The following PRR36 variants were observed in gnomAD, a reference collection of about 807,000 sequenced individuals.
The protein encoded by PRR36 is proline-rich protein 36.
A neutral mutation model predicts 58.6 loss-of-function variants in PRR36; 30 were observed. The observed-to-expected ratio is 0.51, with a 90% CI of 0.38 to 0.69. PRR36 has a LOEUF of 0.69. PRR36 is among the 30% of genes least tolerant of loss of function. PRR36 has a pLI of 0.00. For synonymous variants in PRR36, 771 were observed against 829.3 expected (o/e 0.93, Z 1.21); for missense variants, 1,692 against 1,805.6 (o/e 0.94, Z 1.14).
In PRR36 at chr19:7,869,409, C is replaced by T; in HGVS notation, c.3665G>A (p.Ser1222Asn). The T allele has an allele frequency of 6.7e-7, 1 of 1,486,352 alleles. No homozygotes were observed. The highest frequency in any genetic ancestry group is 8.9e-7 in the Non-Finnish European group (1 of 1,126,606). 92.1% of individuals were successfully genotyped at this position (1,486,352 alleles called of 1,614,324 possible). Residue 1222 changes from serine to asparagine, a missense_variant, in exon 6 of 6, where the codon AGC (serine) becomes AAC (asparagine). Around this residue, in one of 5 missense-constraint regions of PRR36, gnomAD observed 485 missense variants for 549.2 expected, o/e 0.88. Coordinates refer to ENST00000618550, the MANE Select transcript of PRR36 (RefSeq NM_001190467.2). ...ALDPGPSPGT[S>N]GGKAAAGAGA... ...GGCCCCAGCCGCCGCCTTCCCACCGCTCGTGCCGGGACTGGGCCCCGGATC... is the reference window on the plus strand; with the variant it reads ...GGCCCCAGCCGCCGCCTTCCCACCGTTCGTGCCGGGACTGGGCCCCGGATC...
chr19:7,873,018 C>T lies in PRR36; in HGVS notation c.375-57G>A. The T allele has an allele frequency of 6.9e-7, 1 of 1,452,998 alleles. No homozygotes were observed. The highest frequency in any genetic ancestry group is 2.5e-5 in the East Asian group (1 of 40,398). 90.0% of individuals were successfully genotyped at this position (1,452,998 alleles called of 1,614,324 possible). On this transcript the variant is annotated intron_variant, in intron 3 of 5. Coordinates refer to ENST00000618550, the MANE Select transcript of PRR36 (RefSeq NM_001190467.2). The surrounding 1 kb of genome is among the most constrained non-coding windows in gnomAD (Gnocchi z 5.0). ...GGTCTTTGTTTGGCTTCCCAAGTCT[C>T]TATTTTCCCATCTGTGAAATGGGCA...
Position 7,872,324 on chromosome 19 carries a change from G to T in PRR36, c.920C>A (p.Pro307His). Residue 307 changes from proline to histidine, a missense_variant, in exon 5 of 6, where the codon CCC becomes CAC. Physicochemically the swap from Pro to His is moderately conservative, Grantham distance 77 (BLOSUM62 -2). Transcript: ENST00000618550. This position sits in a 1 kb window ranked among gnomAD's most constrained non-coding sequence, Gnocchi z 6.1. ...GPLSSSPLATPSPSGTKARPV... is the reference protein window; with the variant it reads ...GPLSSSPLATHSPSGTKARPV... The stretch of plus-strand genomic sequence containing the variant: ...TCTTGCCTTGGTACCCGATGGAGAG[G>T]GTGTGGCCAAAGGAGAGGAAGAAAG... 2 of 1,455,328 alleles carry T rather than the reference G, an allele frequency of 1.4e-6. No individual in the cohort carries two copies. Among genetic ancestry groups the T allele is most frequent in the Non-Finnish European group, 1.8e-6 (2 of 1,110,288 alleles). The allele number at this position is 1,455,328 out of a possible 1,614,324, so 90.2% of individuals were successfully genotyped here.
In PRR36 at chr19:7,873,034, G is replaced by T. The variant is rs1299337913; in HGVS notation, c.375-73C>A. 2 of 1,397,122 alleles carry T rather than the reference G, an allele frequency of 1.4e-6. No homozygotes were observed. Among genetic ancestry groups the T allele is most frequent in the Admixed American group, 4.1e-5 (2 of 48,488 alleles). The allele number at this position is 1,397,122 out of a possible 1,614,324, so 86.5% of individuals were successfully genotyped here. On this transcript the variant is annotated intron_variant, in intron 3 of 5. Transcript: ENST00000618550. The surrounding 1 kb of genome is among the most constrained non-coding windows in gnomAD (Gnocchi z 5.0). Reference sequence around the variant, plus strand: ...CCCAAGTCTCTATTTTCCCATCTGTGAAATGGGCATGTGCCCTCTCTGAGG... The same window carrying T: ...CCCAAGTCTCTATTTTCCCATCTGTTAAATGGGCATGTGCCCTCTCTGAGG...
Position 7,874,090 on chromosome 19 carries a change from C to T in PRR36, c.-8+196G>A, listed in dbSNP as rs191575938. On this transcript the variant is annotated intron_variant, in intron 1 of 5. Transcript: ENST00000618550. The surrounding 1 kb of genome is among the most constrained non-coding windows in gnomAD (Gnocchi z 6.0). ...CGCATCCCTCCAGACCCGGAGCGCA[C>T]GCCCGGGTCTCCCCGCCAGCCCCCA... 8.5e-5 allele frequency among the ~76,000 whole-genome samples: 13 copies of T among 152,208 alleles called. No individual in the cohort carries two copies. Among genetic ancestry groups the T allele is most frequent in the African/African-American group, 3.1e-4 (13 of 41,560 alleles).
Position 7,869,528 on chromosome 19 carries a change from C to T in PRR36, c.3546G>A (p.Trp1182Ter), listed in dbSNP as rs1249121254. Residue 1182 changes from tryptophan (W) to a stop codon, truncating the protein, a stop_gained, in exon 6 of 6, where the codon TGG becomes TGA. Coordinates refer to ENST00000618550, the MANE Select transcript of PRR36 (RefSeq NM_001190467.2). LOFTEE classifies it low-confidence loss of function (END_TRUNC). ...CAGAGCCCGGTCCGGTAGCGGGAGG[C>T]CACGGCAGGGGCGCACCTGCGGGGA... ...FRGAPGAPLP[W>*]PPATGPGSAD... 1 of 1,518,546 alleles carries T rather than the reference C, an allele frequency of 6.6e-7. No homozygotes were observed. The highest frequency in any genetic ancestry group is 2.0e-5 in the Admixed American group (1 of 50,262). The allele number at this position is 1,518,546 out of a possible 1,614,324, so 94.1% of individuals were successfully genotyped here.
chr19:7,870,764 C>G lies in PRR36; in HGVS notation c.2480G>C (p.Gly827Ala), dbSNP rs1240222387. 4 of 1,336,110 alleles carry G rather than the reference C, an allele frequency of 3.0e-6. No individual in the cohort carries two copies. 82.8% of individuals were successfully genotyped at this position (1,336,110 alleles called of 1,614,324 possible). A position where few individuals can be genotyped will look rare whatever the true frequency, so the allele number is the denominator to read the frequency against. ...PPALASPPLQ[G>A]LPSPPLSPLA... The stretch of plus-strand genomic sequence containing the variant: ...AGGAGACAGAGGGGGAGAGGGCAGG[C>G]CCTGCAAAGGGGGTGAGGCCAGAGC... The change falls in exon 5 of 6, where the codon GGC becomes GCC. Residue 827 changes from glycine (G) to alanine (A), a missense_variant. Transcript: ENST00000618550.
rs1455286665 is a variant in PRR36 at position 7,869,561 on chromosome 19, C to T, written c.3530-17G>A. The T allele has an allele frequency of 9.9e-6, 15 of 1,516,262 alleles. No individual in the cohort carries two copies. Among genetic ancestry groups the T allele is most frequent in the Non-Finnish European group, 1.3e-5 (15 of 1,138,518 alleles). The allele number at this position is 1,516,262 out of a possible 1,614,324, so 93.9% of individuals were successfully genotyped here. On this transcript the variant is annotated splice_polypyrimidine_tract_variant and intron_variant, in intron 5 of 5. Transcript: ENST00000618550. ...GGGGCGCACCTGCGGGGAGAGACGCCAGGTGGGCCGTGGGGGTGATAAGCC... is the reference window on the plus strand; with the variant it reads ...GGGGCGCACCTGCGGGGAGAGACGCTAGGTGGGCCGTGGGGGTGATAAGCC...
chr19:7,872,466 G>A lies in PRR36; in HGVS notation c.778C>T (p.Arg260Cys), dbSNP rs1407068778. ...TGCGCAGGAGCCCTGGGTGTTCCGCGGGCTGAGGGCCCAGAACGGGCTGGG... is the reference window on the plus strand; with the variant it reads ...TGCGCAGGAGCCCTGGGTGTTCCGCAGGCTGAGGGCCCAGAACGGGCTGGG... ...SSPARSGPSA[R>C]GTPRAPAHPS... is the part of the protein sequence containing the mutation. Residue 260 changes from arginine to cysteine, a missense_variant, in exon 5 of 6, where the codon CGC (arginine) becomes TGC (cysteine). Arg to Cys is a radical substitution (Grantham distance 180). Transcript: ENST00000618550. The surrounding 1 kb of genome is among the most constrained non-coding windows in gnomAD (Gnocchi z 6.1). 8.9e-6 allele frequency: 13 copies of A among 1,463,106 alleles called. No individual in the cohort carries two copies. The highest frequency in any genetic ancestry group is 1.2e-5 in the Non-Finnish European group (13 of 1,114,698). 90.6% of individuals were successfully genotyped at this position (1,463,106 alleles called of 1,614,324 possible).
Position 7,869,474 on chromosome 19 carries a change from A to C in PRR36, c.3600T>G (p.Thr1200=). 1 of 1,508,302 alleles carries C rather than the reference A, an allele frequency of 6.6e-7. No homozygotes were observed. Among genetic ancestry groups the C allele is most frequent in the Non-Finnish European group, 8.8e-7 (1 of 1,134,962 alleles). 93.4% of individuals were successfully genotyped at this position (1,508,302 alleles called of 1,614,324 possible). A position where few individuals can be genotyped will look rare whatever the true frequency, so the allele number is the denominator to read the frequency against. The change falls in exon 6 of 6, where the codon ACT becomes ACG. Residue 1200 remains threonine, a synonymous_variant. Transcript: ENST00000618550. ...CGGGGGTCGCCGACTCGGGCCCTTC[A>C]GTCTCGTAGATGGTGCACAGACCGT... is the stretch of plus-strand genomic sequence containing the variant. ...SADGLCTIYE[T]EGPESATPAP...
rs1406265928 is a variant in PRR36, at chr19:7,871,685, A to G, written c.1559T>C (p.Leu520Pro). 4.6e-6 allele frequency: 7 copies of G among 1,535,952 alleles called. No individual in the cohort carries two copies. The highest frequency in any genetic ancestry group is 2.4e-5 in the East Asian group (1 of 40,920). ...TGTGGCCAGAAGAGGAGAGTCCTGC[A>G]GAGGAAGAGTGGCCAGAGTGTGGGG... ...ATPHTLATLPLQDSPLLATLP... is the reference protein window; with the variant it reads ...ATPHTLATLPPQDSPLLATLP... Residue 520 changes from leucine to proline, a missense_variant, in exon 5 of 6, where the codon CTG (leucine) becomes CCG (proline). Coordinates refer to ENST00000618550, the MANE Select transcript of PRR36 (RefSeq NM_001190467.2).
chr19:7,871,352 A>G lies in PRR36; in HGVS notation c.1892T>C (p.Met631Thr). Residue 631 changes from methionine to threonine, a missense_variant, in exon 5 of 6, where the codon ATG (methionine) becomes ACG (threonine). Met to Thr is a moderately conservative substitution (Grantham distance 81, BLOSUM62 -1). This residue lies in a region of PRR36 where 975 missense variants were observed against 955.2 expected (regional missense o/e 1.02). Transcript: ENST00000618550. ...AGAAGCTTGGGTTTGCCTAGGGGAC[A>G]TTGTCAGGAAAGAATGTGTGGCCTG... The part of the protein sequence containing the change: ...TLQATHSFLT[M>T]SPRQTQASLI... 3.9e-6 allele frequency: 6 copies of G among 1,530,580 alleles called. No homozygotes were observed. The highest frequency in any genetic ancestry group is 3.6e-5 in the South Asian group (3 of 83,718). The allele number at this position is 1,530,580 out of a possible 1,614,324, so 94.8% of individuals were successfully genotyped here.
chr19:7,872,685 C>A lies in PRR36; in HGVS notation c.559G>T (p.Val187Leu). Residue 187 changes from valine to leucine, a missense_variant, in exon 5 of 6, where the codon GTG (valine) becomes TTG (leucine). Coordinates refer to ENST00000618550, the MANE Select transcript of PRR36 (RefSeq NM_001190467.2). The surrounding 1 kb of genome is among the most constrained non-coding windows in gnomAD (Gnocchi z 6.1). ...ARRSRAAGTE[V>L]GLPRPAPSAR... ...CTCGGAGCTGGCCGGGGGAGCCCCA[C>A]CTCGGTGCCCGCAGCCCGGGACCGA... 2 of 1,450,352 alleles carry A rather than the reference C, an allele frequency of 1.4e-6. No individual in the cohort carries two copies. Among genetic ancestry groups the A allele is most frequent in the South Asian group, 2.9e-5 (2 of 69,992 alleles). The allele number at this position is 1,450,352 out of a possible 1,614,324, so 89.8% of individuals were successfully genotyped here.
At position 7,873,711 on chromosome 19, in the gene PRR36, C is replaced by G. The variant is rs1980579090; in HGVS notation, c.-7-15G>C. ...CCATCTTGCACCTGAAGAGACAAACCGGTCCGCATCCCAGGTTCTGGACAG... is the reference window on the plus strand; with the variant it reads ...CCATCTTGCACCTGAAGAGACAAACGGGTCCGCATCCCAGGTTCTGGACAG... On this transcript the variant is annotated splice_polypyrimidine_tract_variant and intron_variant, in intron 1 of 5. Transcript: ENST00000618550. This position sits in a 1 kb window ranked among gnomAD's most constrained non-coding sequence, Gnocchi z 5.0. The G allele has an allele frequency of 3.3e-6, 5 of 1,530,996 alleles. No homozygotes were observed. The highest frequency in any genetic ancestry group is 1.2e-5 in the South Asian group (1 of 83,752). The allele number at this position is 1,530,996 out of a possible 1,614,324, so 94.8% of individuals were successfully genotyped here.
rs1388035791 is a variant in PRR36, at chr19:7,870,003, G to C, written c.3241C>G (p.Pro1081Ala). The C allele has an allele frequency of 3.5e-6, 5 of 1,408,716 alleles. No individual in the cohort carries two copies. Among genetic ancestry groups the C allele is most frequent in the South Asian group, 1.5e-5 (1 of 66,694 alleles). The allele number at this position is 1,408,716 out of a possible 1,614,324, so 87.3% of individuals were successfully genotyped here. Residue 1081 changes from proline to alanine, a missense_variant, in exon 5 of 6, where the codon CCG becomes GCG. Physicochemically the swap from Pro to Ala is conservative, Grantham distance 27. Transcript: ENST00000618550. ...ACGGAGGTATCCGGACCCGGGGTCG[G>C]GGGGCGGCGTGGGGCCTGCAGGGTG... ...SPTLQAPRRP[P>A]TPGPDTSVSG... is the part of the protein sequence containing the mutation.
In PRR36 at chr19:7,869,707, C is replaced by A; in HGVS notation, c.3529+8G>T. On this transcript the variant is annotated splice_region_variant and intron_variant, in intron 5 of 5. Transcript: ENST00000618550. ...CCACAGCCAGGCCGGGTCTGGGGTGCCCCTTACCTGGGGCTCCGCGGAAAG... is the reference window on the plus strand; with the variant it reads ...CCACAGCCAGGCCGGGTCTGGGGTGACCCTTACCTGGGGCTCCGCGGAAAG... 7.4e-7 allele frequency: 1 copy of A among 1,343,372 alleles called. No individual in the cohort carries two copies. The highest frequency in any genetic ancestry group is 9.5e-7 in the Non-Finnish European group (1 of 1,051,462). 83.2% of individuals were successfully genotyped at this position (1,343,372 alleles called of 1,614,324 possible).
At position 7,870,961 on chromosome 19, in the gene PRR36, A is replaced by G; in HGVS notation, c.2283T>C (p.Pro761=). The change falls in exon 5 of 6, where the codon CCT becomes CCC. Residue 761 remains proline (P), a synonymous_variant. Coordinates refer to ENST00000618550, the MANE Select transcript of PRR36 (RefSeq NM_001190467.2). The stretch of plus-strand genomic sequence containing the variant: ...TCTGCAGAGGAGGCGGGGCTAGAGA[A>G]GGTAGGTTCTCCAGAGGGGGTGTGG... ...PLTTPPLENL[P]SLAPPPLQTA... The G allele has an allele frequency of 7.5e-7, 1 of 1,338,090 alleles. No individual in the cohort carries two copies. Among genetic ancestry groups the G allele is most frequent in the South Asian group, 1.8e-5 (1 of 54,680 alleles). The allele number at this position is 1,338,090 out of a possible 1,614,324, so 82.9% of individuals were successfully genotyped here.
At position 7,871,876 on chromosome 19, in the gene PRR36, A is replaced by T. The variant is rs1980466032; in HGVS notation, c.1368T>A (p.Pro456=). The change falls in exon 5 of 6, where the codon CCT becomes CCA. Residue 456 remains proline (P), a synonymous_variant. Transcript: ENST00000618550. Reference sequence around the variant, plus strand: ...GTAGAGGAGACATGGCTGACAGAGGAGGTGTGGCCAAGGGAGAGAGGAGAG... The same window carrying T: ...GTAGAGGAGACATGGCTGACAGAGGTGGTGTGGCCAAGGGAGAGAGGAGAG... ...LPTLLSPLAT[P]PLSAMSPLQG... is the part of the protein sequence containing the mutation. 6.5e-7 allele frequency: 1 copy of T among 1,535,516 alleles called. No individual in the cohort carries two copies. Among genetic ancestry groups the T allele is most frequent in the African/African-American group, 1.4e-5 (1 of 72,844 alleles).
rs1321105696 is a variant in PRR36 at position 7,872,159 on chromosome 19, A to AGGC, written c.1082_1084dup (p.Ser361_Leu362insArg). 6 of 1,453,064 alleles carry AGGC rather than the reference A, an allele frequency of 4.1e-6. No homozygotes were observed. The highest frequency in any genetic ancestry group is 3.0e-5 in the African/African-American group (2 of 67,526). 90.0% of individuals were successfully genotyped at this position (1,453,064 alleles called of 1,614,324 possible). ...AAGGGGCGTGGCCAACTGACAGGTA[A>AGGC]GGCTCGACGAGTGGGGCGTGGCCGG... On this transcript the variant is annotated inframe_insertion, in exon 5 of 6. Transcript: ENST00000618550. This position sits in a 1 kb window ranked among gnomAD's most constrained non-coding sequence, Gnocchi z 6.1.
In PRR36 at chr19:7,871,620, A is replaced by AG; in HGVS notation, c.1623dup (p.Ser542LeufsTer93). The AG allele has an allele frequency of 6.5e-7, 1 of 1,535,608 alleles. No individual in the cohort carries two copies. Among genetic ancestry groups the AG allele is most frequent in the Non-Finnish European group, 8.7e-7 (1 of 1,146,810 alleles). ...GAAACTAGAGGAGGATCCTGCAGAG[A>AG]GACTGTGGTCAAAGGAGAGGGAGAG... On this transcript the variant is annotated frameshift_variant, in exon 5 of 6. Transcript: ENST00000618550. LOFTEE classifies it high-confidence loss of function.
Sources: gnomAD v4.1 joint callset for allele counts (sites outside exome capture counted in the v4.1 genomes callset) on GRCh38, gnomAD v4.1.1 for gene constraint, gnomAD v4.1.1 regional missense constraint, Gnocchi (gnomAD v3.1) non-coding constraint, MANE v1.5 for transcripts, NCBI Gene and HGNC (gene_info 2026-07-23, HGNC 2026-07-21) for gene names.